The following LOXHD1 variants were observed in gnomAD, a reference collection of about 807,000 sequenced individuals.
LOXHD1 encodes the protein lipoxygenase homology domain-containing protein 1.
Under a neutral mutation model 248.2 loss-of-function variants are expected in LOXHD1, and 205 were observed. The ratio of observed to expected loss-of-function variants is 0.83; its 90% CI spans 0.74 to 0.93. The LOEUF (loss-of-function observed/expected upper bound fraction) is 0.93. Ranked by LOEUF, LOXHD1 falls within the 40% of genes least tolerant of loss-of-function variation. LOXHD1 has a pLI of 0.00. For missense variants in LOXHD1, 2,930 were observed against 2,971.6 expected, an observed-to-expected ratio of 0.99 and a Z score of 0.33; for synonymous variants, 1,113 against 1,162.8, an observed-to-expected ratio of 0.96 and a Z score of 0.87.
chr18:46,560,854 G>GCA (rs1379445233), intron 18 of LOXHD1, among the ~76,000 whole-genome samples: 14 of 83,958 alleles, frequency 1.7e-4, no homozygotes, highest in Middle Eastern at 6.9e-3. Context: ...ACACACGCAC[G>GCA]CGCGCGCGCG....
intron 38 of LOXHD1, among the ~76,000 whole-genome samples, chr18:46,485,490 GC>G (rs1315969033): frequency 2.6e-5 from 4 of 152,072 alleles, no homozygotes; most frequent in Non-Finnish European, 5.9e-5. Flanking sequence ...AAGAAGTGGG[GC>G]CCAGTGCAAA....
chr18:46,611,180 T>A (rs1468517944), intron 5 of LOXHD1, among the ~76,000 whole-genome samples: 1 of 152,256 alleles, frequency 6.6e-6, no homozygotes, highest in East Asian at 1.9e-4. Context: ...ACTAAACCGA[T>A]TTGTACCCCC....
In LOXHD1 at chr18:46,505,949, G is replaced by C. The variant is rs377368588; in HGVS notation, c.5767C>G (p.Gln1923Glu). 356 of 1,552,164 alleles carry C rather than the reference G, an allele frequency of 2.3e-4. No homozygotes were observed. In the African/African-American group the frequency reaches 4.6e-3, roughly 20 times the overall value. Residue 1923 changes from glutamine to glutamate, a missense_variant, in exon 37 of 41, where the codon CAG becomes GAG. Coordinates refer to ENST00000642948, the MANE Select transcript of LOXHD1 (RefSeq NM_001384474.1). ...TCAAACTTGTTCCAGTTTGCCGACTGCTTCAGGGCCAGTGTCCCACTATCC... is the reference window on the plus strand; with the variant it reads ...TCAAACTTGTTCCAGTTTGCCGACTCCTTCAGGGCCAGTGTCCCACTATCC... The part of the protein sequence containing the change: ...NGDSGTLALK[Q>E]SANWNKFERN...
At chr18:46,561,859 G>A (rs2037536561) in intron 18 of LOXHD1, among the ~76,000 whole-genome samples, 1 of 152,174 alleles carries the variant, frequency 6.6e-6, no homozygotes, top group Non-Finnish European at 1.5e-5. Context: ...CATTTCCCAG[G>A]TTACAGCACC....
intron 1 of LOXHD1, among the ~76,000 whole-genome samples, chr18:46,650,709 G>A (rs1210460299): frequency 6.9e-6 from 1 of 145,772 alleles, no homozygotes; most frequent in Non-Finnish European, 1.5e-5. Flanking sequence ...AGGGAGAATG[G>A]GGGAGGAAGG....
At chr18:46,478,729 G>T (rs898968094) in intron 40 of LOXHD1, among the ~76,000 whole-genome samples, 1 of 151,936 alleles carries the variant, frequency 6.6e-6, no homozygotes, top group Admixed American at 6.6e-5. Context: ...GTATCAATTT[G>T]CTACCCAGGT....
At chr18:46,645,218 A>C (rs1276471784) in intron 2 of LOXHD1, among the ~76,000 whole-genome samples, 1 of 152,206 alleles carries the variant, frequency 6.6e-6, no homozygotes, top group Non-Finnish European at 1.5e-5. Flanking sequence ...AATAGAAAGG[A>C]GAGAGGGTTT....
chr18:46,649,809 T>C (rs2039085082), intron 1 of LOXHD1, among the ~76,000 whole-genome samples: 1 of 152,142 alleles, frequency 6.6e-6, no homozygotes, highest in African/African-American at 2.4e-5. Flanking sequence ...CTCAAACCCT[T>C]GAAGCTTATT....
At chr18:46,549,939 T>C (rs2037016441) in intron 21 of LOXHD1, among the ~76,000 whole-genome samples, 1 of 152,222 alleles carries the variant, frequency 6.6e-6, no homozygotes, top group Admixed American at 6.5e-5. Context: ...TTTTTTGGCA[T>C]TTGCCTCTTT....
At chr18:46,509,178 G>A (rs1334596484) in intron 35 of LOXHD1, among the ~76,000 whole-genome samples, 1 of 152,154 alleles carries the variant, frequency 6.6e-6, no homozygotes, top group African/African-American at 2.4e-5. Flanking sequence ...CATCCCCAAG[G>A]CTGGCTTCAG....
chr18:46,569,774 T>C (rs2037716383), intron 15 of LOXHD1, 136 bp from the exon 16 acceptor site: 2 of 692,634 alleles, frequency 2.9e-6, no homozygotes, highest in Non-Finnish European at 4.7e-6. Context: ...AAATCCAGGC[T>C]CCTGTTCTAA....
At chr18:46,491,180 GAC>G (rs986786424) in intron 37 of LOXHD1, among the ~76,000 whole-genome samples, 2 of 152,196 alleles carry the variant, frequency 1.3e-5, no homozygotes, top group African/African-American at 4.8e-5. Context: ...TGTGACAGAA[GAC>G]ACACACACAA....
chr18:46,530,121 C>T (rs2144230977), intron 28 of LOXHD1, among the ~76,000 whole-genome samples: 1 of 152,320 alleles, frequency 6.6e-6, no homozygotes, highest in East Asian at 1.9e-4. Flanking sequence ...TGGTTGGCCC[C>T]TCTGTGTATC....
chr18:46,563,048 T>C lies in LOXHD1; in HGVS notation c.2598+17A>G. ...CTGAGCCTGCTGTTGGCACCCCCGCTCCTCGACCCCACATACCTGGAATGT... is the reference window on the plus strand; with the variant it reads ...CTGAGCCTGCTGTTGGCACCCCCGCCCCTCGACCCCACATACCTGGAATGT... On this transcript the variant is annotated intron_variant, in intron 18 of 40. Coordinates refer to ENST00000642948, the MANE Select transcript of LOXHD1 (RefSeq NM_001384474.1). 2.6e-6 allele frequency: 4 copies of C among 1,526,300 alleles called. No individual in the cohort carries two copies. Among genetic ancestry groups the C allele is most frequent in the Non-Finnish European group, 3.6e-6 (4 of 1,126,388 alleles). 94.5% of individuals were successfully genotyped at this position (1,526,300 alleles called of 1,614,324 possible).
Position 46,483,560 on chromosome 18 carries a change from T to C in LOXHD1, c.6341+27A>G, listed in dbSNP as rs769813865. 2.6e-6 allele frequency: 4 copies of C among 1,551,368 alleles called. No homozygotes were observed. The East Asian group carries it at 7.3e-5, about 28-fold the overall frequency. On this transcript the variant is annotated intron_variant, in intron 40 of 40. Transcript: ENST00000642948. ...CTGCCCCATGCTGAGGGAGTGGCACTTCCTTGGGGAGAGGCTCAGTACATA... is the reference window on the plus strand; with the variant it reads ...CTGCCCCATGCTGAGGGAGTGGCACCTCCTTGGGGAGAGGCTCAGTACATA...
At chr18:46,639,473 T>C in intron 4 of LOXHD1, 143 bp downstream of exon 4, 1 of 982,824 alleles carries the variant, frequency 1.0e-6, no homozygotes. Context: ...GGCTTCCCCT[T>C]GGCCCTAACC....
At chr18:46,646,973 T>A (rs551084841) in intron 2 of LOXHD1, among the ~76,000 whole-genome samples, 4 of 152,242 alleles carry the variant, frequency 2.6e-5, no homozygotes, top group African/African-American at 9.6e-5. Flanking sequence ...AACTCCGAAC[T>A]GTGTCCCCAT....
chr18:46,540,161 G>A (rs944806172), intron 25 of LOXHD1, among the ~76,000 whole-genome samples: 4 of 152,190 alleles, frequency 2.6e-5, no homozygotes, highest in African/African-American at 9.7e-5. Context: ...GCTCAGAGAG[G>A]TGAAGTAACT....
Position 46,563,168 on chromosome 18 carries a change from G to A in LOXHD1, c.2495C>T (p.Ala832Val). 6.5e-7 allele frequency: 1 copy of A among 1,531,100 alleles called. No homozygotes were observed. Among genetic ancestry groups the A allele is most frequent in the Non-Finnish European group, 8.9e-7 (1 of 1,129,734 alleles). The allele number at this position is 1,531,100 out of a possible 1,614,324, so 94.8% of individuals were successfully genotyped here. The change falls in exon 18 of 41, where the codon GCC (alanine) becomes GTC (valine). Residue 832 changes from alanine to valine, a missense_variant. By Grantham distance (64) the Ala-to-Val change is moderately conservative. Coordinates refer to ENST00000642948, the MANE Select transcript of LOXHD1 (RefSeq NM_001384474.1). Reference sequence around the variant, plus strand: ...TCCATAGATCTGCATGTAGACTCGGGCACTGGTGCCTGCGCCACCCACATC... The same window carrying A: ...TCCATAGATCTGCATGTAGACTCGGACACTGGTGCCTGCGCCACCCACATC... ...TGDVGGAGTSARVYMQIYGEK... is the reference protein window; with the variant it reads ...TGDVGGAGTSVRVYMQIYGEK...
Sources: allele counts gnomAD v4.1 joint callset (sites outside exome capture counted in the v4.1 genomes callset), GRCh38; gene constraint gnomAD v4.1.1; transcripts MANE v1.5; gene names NCBI Gene and HGNC (gene_info 2026-07-23, HGNC 2026-07-21).